The following IL1RAPL1 variants were observed in gnomAD, a reference collection of about 807,000 sequenced individuals.
IL1RAPL1 encodes the protein interleukin 1 receptor accessory protein like 1.
Under a neutral mutation model 48.4 loss-of-function variants are expected in IL1RAPL1, and 3 were observed. The ratio of observed to expected loss-of-function variants is 0.06; its 90% CI spans 0.03 to 0.16. The LOEUF is 0.16. Among genes scored for constraint, IL1RAPL1 ranks in the 10% least tolerant of loss-of-function variants. The pLI, the probability that IL1RAPL1 is intolerant of heterozygous loss-of-function variation, is 1.00. For synonymous variants in IL1RAPL1, 185 were observed against 187.7 expected (o/e 0.99, Z 0.12); for missense variants, 349 against 530.6 (o/e 0.66, Z 3.36).
chrX:29,924,583 G>A (rs1932870748), intron 8 of IL1RAPL1, among the ~76,000 whole-genome samples: 2 of 112,063 alleles, frequency 1.8e-5, no homozygotes, highest in African/African-American at 6.5e-5. Context: ...CATTCCTAAT[G>A]TATGATTGTG....
intron 5 of IL1RAPL1, among the ~76,000 whole-genome samples, chrX:29,493,886 G>A (rs1157567511): frequency 2.0e-4 from 22 of 110,140 alleles, no homozygotes; most frequent in Admixed American, 1.7e-3. Context: ...ATGTCCTTGC[G>A]AATTCAATGC....
chrX:28,974,076 A>G (rs754175609), intron 2 of IL1RAPL1, among the ~76,000 whole-genome samples: 9 of 111,766 alleles, frequency 8.1e-5, no homozygotes, highest in Non-Finnish European at 1.1e-4. Flanking sequence ...AGGGTCTACT[A>G]CGGGCCTGCA....
rs1934924604 is a variant in IL1RAPL1 at position 29,471,786 on chromosome X, T to C, written c.703+72478T>C. ...ATTTGCCCATTTTGAATATTTCATA[T>C]AAATGGAATCATCCAATATGTGACT... On this transcript the variant is annotated intron_variant, in intron 5 of 10. Coordinates refer to ENST00000378993, the MANE Select transcript of IL1RAPL1 (RefSeq NM_014271.4). Among the ~76,000 whole-genome samples, 4 of 111,727 alleles carry C rather than the reference T, an allele frequency of 3.6e-5. No homozygotes were observed. In the South Asian group the frequency reaches 1.5e-3, roughly 42 times the overall value.
rs138019965 is a variant in IL1RAPL1, at chrX:29,697,437, A to G, written c.778+28933A>G. Among the ~76,000 whole-genome samples the G allele has an allele frequency of 7.7e-3, 863 of 112,480 alleles. 10 individuals are homozygous for G. The highest frequency in any genetic ancestry group is 0.027 in the African/African-American group (828 of 30,976). On this transcript the variant is annotated intron_variant, in intron 6 of 10. Coordinates refer to ENST00000378993, the MANE Select transcript of IL1RAPL1 (RefSeq NM_014271.4). ...TAAAAACAGGTAGCCCTAAATTAAC[A>G]TAAGATGTTTCCACAATGTTTTTAA... is the stretch of plus-strand genomic sequence containing the variant.
At chrX:29,528,686 G>A (rs1029338361) in intron 5 of IL1RAPL1, among the ~76,000 whole-genome samples, 1 of 111,852 alleles carries the variant, frequency 8.9e-6, no homozygotes. Context: ...AGCCAGATTG[G>A]GTAAAGTTCA....
chrX:29,307,279 C>G (rs1932639936), intron 3 of IL1RAPL1, among the ~76,000 whole-genome samples: 1 of 111,967 alleles, frequency 8.9e-6, no homozygotes, highest in South Asian at 3.7e-4. Context: ...GTTTCAGAAA[C>G]CCCTTGTCAA....
At chrX:28,855,050 C>T (rs1249947756) in intron 2 of IL1RAPL1, among the ~76,000 whole-genome samples, 1 of 111,837 alleles carries the variant, frequency 8.9e-6, no homozygotes, top group African/African-American at 3.3e-5. Context: ...GACAGGGTCT[C>T]ACTCTGTCAC....
chrX:28,693,600 A>G (rs952170516), intron 1 of IL1RAPL1, among the ~76,000 whole-genome samples: 3 of 112,218 alleles, frequency 2.7e-5, no homozygotes, highest in African/African-American at 9.7e-5. Flanking sequence ...AACACATTTT[A>G]CCCATTTGCA....
chrX:29,815,042 C>G (rs1197638294), intron 6 of IL1RAPL1, among the ~76,000 whole-genome samples: 1 of 111,500 alleles, frequency 9.0e-6, no homozygotes, highest in African/African-American at 3.3e-5. Flanking sequence ...TTGCTTAGAA[C>G]CGCTTTGGCT....
chrX:28,733,904 A>G (rs1173848174), intron 1 of IL1RAPL1, among the ~76,000 whole-genome samples: 2 of 112,055 alleles, frequency 1.8e-5, no homozygotes, highest in African/African-American at 6.5e-5. Context: ...TCCAAAGGCT[A>G]TAGAGCCAAT....
intron 6 of IL1RAPL1, among the ~76,000 whole-genome samples, chrX:29,739,994 A>T (rs1183967776): frequency 9.2e-6 from 1 of 108,634 alleles, no homozygotes; most frequent in Non-Finnish European, 1.9e-5. Flanking sequence ...TGGGAGGTGG[A>T]GGTTGCAGCA....
chrX:28,836,060 A>T (rs1249793906), intron 2 of IL1RAPL1, among the ~76,000 whole-genome samples: 2 of 110,465 alleles, frequency 1.8e-5, no homozygotes, highest in African/African-American at 6.6e-5. Context: ...GGAAATGTTG[A>T]TGCCTAAAAG....
At position 29,803,010 on chromosome X, in the gene IL1RAPL1, C is replaced by CATATATGTGTACATATATACAT. The variant is rs201315872; in HGVS notation, c.779-114450_779-114449insATGTGTACATATATACATATAT. 4.7e-5 allele frequency among the ~76,000 whole-genome samples: 3 copies of CATATATGTGTACATATATACAT among 63,277 alleles called. 1 individual carries two copies. Among genetic ancestry groups the CATATATGTGTACATATATACAT allele is most frequent in the African/African-American group, 2.2e-4 (3 of 13,715 alleles). 54.9% of individuals were successfully genotyped at this position (63,277 alleles called of 115,157 possible). On this transcript the variant is annotated intron_variant, in intron 6 of 10. Coordinates refer to ENST00000378993, the MANE Select transcript of IL1RAPL1 (RefSeq NM_014271.4). ...GTACATATATATGTATGCATATATA[C>CATATATGTGTACATATATACAT]ATATGTGTACATATACATGTATGCA...
At chrX:29,460,002 G>A (rs1363609596) in intron 5 of IL1RAPL1, among the ~76,000 whole-genome samples, 3 of 111,703 alleles carry the variant, frequency 2.7e-5, no homozygotes, top group Non-Finnish European at 5.6e-5. Context: ...TGAGGTATTT[G>A]TCTTTCTTTG....
intron 3 of IL1RAPL1, among the ~76,000 whole-genome samples, chrX:29,374,443 C>G (rs1356291515): frequency 9.2e-6 from 1 of 108,554 alleles, no homozygotes; most frequent in Admixed American, 1.0e-4. Flanking sequence ...ATAGTGTAAT[C>G]CACATCTAAG....
At chrX:29,172,801 T>G (rs1929935306) in intron 2 of IL1RAPL1, among the ~76,000 whole-genome samples, 1 of 111,796 alleles carries the variant, frequency 8.9e-6, no homozygotes, top group Non-Finnish European at 1.9e-5. Flanking sequence ...ATAAGAATCA[T>G]TCGAGTCATG....
At chrX:28,607,023 TA>T (rs1188504598) in intron 1 of IL1RAPL1, among the ~76,000 whole-genome samples, 1 of 110,876 alleles carries the variant, frequency 9.0e-6, no homozygotes, top group African/African-American at 3.3e-5. Flanking sequence ...AAAATAGTTA[TA>T]ACGGAAAGTC....
chrX:28,827,833 A>C (rs752674235), intron 2 of IL1RAPL1, among the ~76,000 whole-genome samples: 6 of 112,136 alleles, frequency 5.4e-5, no homozygotes, highest in Non-Finnish European at 1.1e-4. Flanking sequence ...TGTTTTAGTC[A>C]TTCTAAAAGT....
intron 6 of IL1RAPL1, among the ~76,000 whole-genome samples, chrX:29,697,826 A>T (rs1283673519): frequency 1.8e-5 from 2 of 111,523 alleles, no homozygotes; most frequent in East Asian, 5.6e-4. Context: ...GCATCTCATT[A>T]GGAGTACCGA....
Sources: allele counts gnomAD v4.1 joint callset (sites outside exome capture counted in the v4.1 genomes callset), GRCh38; gene constraint gnomAD v4.1.1; transcripts MANE v1.5; gene names NCBI Gene and HGNC (gene_info 2026-07-23, HGNC 2026-07-21).